The following OPHN1 variants were observed in gnomAD, a reference collection of about 807,000 sequenced individuals.
The protein encoded by OPHN1 is oligophrenin-1.
A neutral mutation model predicts 60.7 loss-of-function variants in OPHN1; 11 were observed. The ratio of observed to expected loss-of-function variants is 0.18; its 90% confidence interval spans 0.11 to 0.30. The LOEUF is 0.30. OPHN1 is among the 10% of genes least tolerant of loss of function. The pLI, the probability that OPHN1 is intolerant of heterozygous loss-of-function variation, is 1.00. For missense variants in OPHN1, 449 were observed against 611.0 expected, an observed-to-expected ratio of 0.73 and a Z score of 2.80; for synonymous variants, 226 against 222.6, an observed-to-expected ratio of 1.02 and a Z score of -0.14.
chrX:68,349,917 G>A (rs1033862533), intron 2 of OPHN1, among the ~76,000 whole-genome samples: 10 of 110,453 alleles, frequency 9.1e-5, no homozygotes, highest in African/African-American at 3.3e-4. Flanking sequence ...CAGGGGGTGG[G>A]GGGCTAGGGG....
chrX:68,335,169 TAA>T (rs760249906), intron 2 of OPHN1, among the ~76,000 whole-genome samples: 44 of 94,381 alleles, frequency 4.7e-4, no homozygotes, highest in African/African-American at 1.1e-3. Flanking sequence ...TTCCTCTCCT[TAA>T]AAAAAAAAAA....
At chrX:68,340,142 A>G (rs2078344058) in intron 2 of OPHN1, among the ~76,000 whole-genome samples, 1 of 112,221 alleles carries the variant, frequency 8.9e-6, no homozygotes, top group Admixed American at 9.5e-5. Context: ...ATTCCCTCAA[A>G]TTGTTCTACG....
At chrX:68,176,935 GAAGA>G (rs1036124572) in intron 15 of OPHN1, among the ~76,000 whole-genome samples, 2 of 106,230 alleles carry the variant, frequency 1.9e-5, no homozygotes, top group Admixed American at 2.1e-4. Flanking sequence ...TCTATCCACA[GAAGA>G]ATGAATGAAC....
rs770212934 is a variant in OPHN1, at chrX:68,264,357, T to G, written c.384+10381A>C. 9.9e-5 allele frequency among the ~76,000 whole-genome samples: 11 copies of G among 111,399 alleles called. No homozygotes were observed. In the Admixed American group the frequency reaches 1.1e-3, roughly 11 times the overall value. ...GGAGAAAATTTTTGCAATCTACTCA[T>G]CTGACAAAGGGCTAATATCTAGAAT... On this transcript the variant is annotated intron_variant, in intron 5 of 24. Transcript: ENST00000355520.
rs1341255770 is a variant in OPHN1 at position 68,078,226 on chromosome X, A to G, written c.1687-4927T>C. On this transcript the variant is annotated intron_variant, in intron 19 of 24. Coordinates refer to ENST00000355520, the MANE Select transcript of OPHN1 (RefSeq NM_002547.3). ...AAGGGGGGTTGGCATCTAGTGGGGA[A>G]AGGCAAGGAATCCTGCTAAACATCC... 4.5e-5 allele frequency among the ~76,000 whole-genome samples: 5 copies of G among 111,185 alleles called. No homozygotes were observed. In the East Asian group the frequency reaches 1.4e-3, roughly 32 times the overall value.
intron 2 of OPHN1, among the ~76,000 whole-genome samples, chrX:68,377,535 C>T (rs911065763): frequency 9.3e-6 from 1 of 107,848 alleles, no homozygotes; most frequent in African/African-American, 3.4e-5. Context: ...CACCCATTAA[C>T]TCATCATTTA....
chrX:68,422,720 A>AAGG lies in OPHN1; in HGVS notation c.154+10146_154+10147insCCT, dbSNP rs1569309561. ...AGGAAAGAGAGAGAGAGAAAGAAAG[A>AAGG]AAGGAAGGAAGGAAGGAAGGAAGGA... is the stretch of plus-strand genomic sequence containing the variant. On this transcript the variant is annotated intron_variant, in intron 2 of 24. Transcript: ENST00000355520. 1.8e-3 allele frequency among the ~76,000 whole-genome samples: 158 copies of AAGG among 87,831 alleles called. 1 individual carries two copies. The highest frequency in any genetic ancestry group is 6.6e-3 in the African/African-American group (151 of 22,933). The allele number at this position is 87,831 out of a possible 115,157, so 76.3% of individuals were successfully genotyped here.
intron 2 of OPHN1, among the ~76,000 whole-genome samples, chrX:68,323,270 A>T (rs1397875112): frequency 8.9e-6 from 1 of 111,929 alleles, no homozygotes; most frequent in Non-Finnish European, 1.9e-5. Context: ...TTGGTCTGAT[A>T]GTAAAACAGT....
chrX:68,409,999 A>G (rs1277555345), intron 2 of OPHN1, among the ~76,000 whole-genome samples: 1 of 111,868 alleles, frequency 8.9e-6, no homozygotes, highest in Non-Finnish European at 1.9e-5. Context: ...CCACTGTCCA[A>G]AACAAAACCC....
intron 16 of OPHN1, among the ~76,000 whole-genome samples, chrX:68,115,615 G>C (rs1459051523): frequency 8.9e-6 from 1 of 112,205 alleles, no homozygotes; most frequent in African/African-American, 3.2e-5. Flanking sequence ...GTGCAGCATT[G>C]AGGGTATCCC....
chrX:68,385,067 T>TA (rs762578649), intron 2 of OPHN1, among the ~76,000 whole-genome samples: 2 of 110,870 alleles, frequency 1.8e-5, no homozygotes, highest in East Asian at 2.8e-4. Flanking sequence ...ATAATTTTTT[T>TA]AAAAAAAATC....
intron 18 of OPHN1, among the ~76,000 whole-genome samples, chrX:68,101,562 T>C (rs1235438449): frequency 8.9e-6 from 1 of 112,015 alleles, no homozygotes; most frequent in Non-Finnish European, 1.9e-5. Flanking sequence ...ACTCTAGGGG[T>C]GATTAATGAG....
At chrX:68,352,432 A>G (rs1377128667) in intron 2 of OPHN1, among the ~76,000 whole-genome samples, 1 of 109,997 alleles carries the variant, frequency 9.1e-6, no homozygotes, top group East Asian at 2.8e-4. Flanking sequence ...TCAGCCGGAC[A>G]GTGCTTTGAT....
intron 15 of OPHN1, chrX:68,133,283 CGTGA>C (rs1283520069): frequency 1.9e-5 from 12 of 620,456 alleles, no homozygotes; most frequent in Non-Finnish European, 3.0e-5. Context: ...CGGAATAATA[CGTGA>C]GTGTGTCTTA....
intron 5 of OPHN1, among the ~76,000 whole-genome samples, chrX:68,260,963 C>T (rs960016694): frequency 8.9e-6 from 1 of 111,746 alleles, no homozygotes; most frequent in African/African-American, 3.3e-5. Flanking sequence ...TCTCATCTAC[C>T]TCCAGAACAG....
chrX:68,369,435 C>CA (rs1208149977), intron 2 of OPHN1, among the ~76,000 whole-genome samples: 5 of 111,051 alleles, frequency 4.5e-5, no homozygotes, highest in African/African-American at 1.6e-4. Context: ...TCAACAACAA[C>CA]AAAAAAATCA....
At chrX:68,378,086 G>C (rs893823231) in intron 2 of OPHN1, among the ~76,000 whole-genome samples, 5 of 111,762 alleles carry the variant, frequency 4.5e-5, no homozygotes, top group African/African-American at 1.6e-4. Context: ...ATCCTCTCCA[G>C]CATCTGCTGT....
At chrX:68,319,952 C>T (rs775801006) in intron 2 of OPHN1, among the ~76,000 whole-genome samples, 9 of 109,796 alleles carry the variant, frequency 8.2e-5, no homozygotes, top group Non-Finnish European at 1.3e-4. Flanking sequence ...AAACAGAAAA[C>T]GGGCAACAGA....
rs561298918 is a variant in OPHN1, at chrX:68,426,243, C to A, written c.154+6624G>T. Among the ~76,000 whole-genome samples, 12 of 110,487 alleles carry A rather than the reference C, an allele frequency of 1.1e-4. No individual in the cohort carries two copies. The South Asian group carries it at 4.6e-3, about 43-fold the overall frequency. On this transcript the variant is annotated intron_variant, in intron 2 of 24. Coordinates refer to ENST00000355520, the MANE Select transcript of OPHN1 (RefSeq NM_002547.3). The stretch of plus-strand genomic sequence containing the variant: ...ATCACTTGAGGTCAGGAGTTCGAGA[C>A]CAGCCTGGTCAGCATGGTGAAACCC...
Sources: allele counts gnomAD v4.1 joint callset (sites outside exome capture counted in the v4.1 genomes callset), GRCh38; gene constraint gnomAD v4.1.1; transcripts MANE v1.5; gene names NCBI Gene and HGNC (gene_info 2026-07-23, HGNC 2026-07-21).